The following TMEM229B variants were observed in gnomAD, a reference collection of about 807,000 sequenced individuals.
The protein encoded by TMEM229B is chromosome 14 open reading frame 83.
A neutral mutation model predicts 13.7 loss-of-function variants in TMEM229B; 6 were observed. The observed-to-expected ratio is 0.44, with a 90% confidence interval of 0.24 to 0.86. TMEM229B has a LOEUF of 0.86. Among genes scored for constraint, TMEM229B ranks in the 40% least tolerant of loss-of-function variants. The pLI, the probability that TMEM229B is intolerant of heterozygous loss-of-function variation, is 0.23. For synonymous variants in TMEM229B, 107 were observed against 102.1 expected, an observed-to-expected ratio of 1.05 and a Z score of -0.29; for missense variants, 170 against 236.0, an observed-to-expected ratio of 0.72 and a Z score of 1.83.
chr14:67,474,268 A>AAC (rs71129824), intron 2 of TMEM229B, among the ~76,000 whole-genome samples: 2,405 of 122,038 alleles, frequency 0.02, 64 homozygotes, highest in African/African-American at 0.073. Flanking sequence ...AACAAAACAA[A>AAC]AAAAAAACAG....
At chr14:67,489,976 C>T (rs1057347784), upstream of TMEM229B, among the ~76,000 whole-genome samples, 7 of 143,898 alleles carry the variant, frequency 4.9e-5, no homozygotes, top group African/African-American at 1.3e-4. Flanking sequence ...GGCGACAGAG[C>T]GAGACTCCGT....
chr14:67,494,036 T>C lies in TMEM229B; in HGVS notation c.-191-6864A>G, dbSNP rs9323499. ...CAGGAAAGACCACCATGCACTCAGCTGGACACTGACCCCAGCCACACCAGG... is the reference window on the plus strand; with the variant it reads ...CAGGAAAGACCACCATGCACTCAGCCGGACACTGACCCCAGCCACACCAGG... On this transcript the variant is annotated intron_variant, in intron 1 of 2. Transcript: ENST00000357461. 8.7e-3 allele frequency among the ~76,000 whole-genome samples: 1,319 copies of C among 152,232 alleles called. 16 individuals carry two copies. The highest frequency in any genetic ancestry group is 0.029 in the African/African-American group (1,187 of 41,542).
upstream of TMEM229B, among the ~76,000 whole-genome samples, chr14:67,516,233 C>A (rs1285324363): frequency 3.3e-5 from 5 of 152,296 alleles, no homozygotes; most frequent in Non-Finnish European, 7.3e-5. Flanking sequence ...CTGGGTGCCT[C>A]AGCCAAGAGG....
intron 1 of TMEM229B, among the ~76,000 whole-genome samples, chr14:67,494,603 T>C (rs965868578): frequency 4.6e-5 from 7 of 152,164 alleles, no homozygotes; most frequent in African/African-American, 1.7e-4. Context: ...TGGACACGGG[T>C]TGAGAGGTAG....
At chr14:67,495,243 G>A (rs2032320731) in intron 1 of TMEM229B, among the ~76,000 whole-genome samples, 2 of 152,032 alleles carry the variant, frequency 1.3e-5, no homozygotes, top group Non-Finnish European at 2.9e-5. Context: ...ATCCCTCCTG[G>A]AAACATTTCC....
chr14:67,515,731 G>A (rs993016878), upstream of TMEM229B, among the ~76,000 whole-genome samples: 1 of 152,206 alleles, frequency 6.6e-6, no homozygotes, highest in African/African-American at 2.4e-5. Flanking sequence ...GTAGTTGTGG[G>A]GACCAGGCGT....
intron 1 of TMEM229B, among the ~76,000 whole-genome samples, chr14:67,528,111 G>C (rs1312592251): frequency 6.6e-6 from 1 of 152,208 alleles, no homozygotes; most frequent in Non-Finnish European, 1.5e-5. Flanking sequence ...AGATTGGAGT[G>C]TGAGGGTGAG....
At chr14:67,480,197 C>T (rs1217177949) in intron 2 of TMEM229B, among the ~76,000 whole-genome samples, 1 of 152,188 alleles carries the variant, frequency 6.6e-6, no homozygotes, top group East Asian at 1.9e-4. Flanking sequence ...TTTACACCGC[C>T]TCTTACCCGA....
At chr14:67,528,624 C>T (rs1475824145) in intron 1 of TMEM229B, among the ~76,000 whole-genome samples, 2 of 152,192 alleles carry the variant, frequency 1.3e-5, no homozygotes, top group African/African-American at 4.8e-5. Flanking sequence ...TGAGCTCCAC[C>T]AGCTCCCAAC....
intron 2 of TMEM229B, among the ~76,000 whole-genome samples, chr14:67,483,719 C>A (rs1462031080): frequency 1.3e-5 from 2 of 152,240 alleles, no homozygotes; most frequent in Non-Finnish European, 2.9e-5. Context: ...AACCCAGAGG[C>A]CCCCTGACTG....
At chr14:67,484,007 G>C (rs930088269) in intron 2 of TMEM229B, among the ~76,000 whole-genome samples, 2 of 152,190 alleles carry the variant, frequency 1.3e-5, no homozygotes, top group African/African-American at 4.8e-5. Context: ...GGACTGGCAG[G>C]CTGGCATCCC....
chr14:67,482,118 G>A (rs1380461233), intron 2 of TMEM229B, among the ~76,000 whole-genome samples: 3 of 152,192 alleles, frequency 2.0e-5, no homozygotes, highest in Non-Finnish European at 4.4e-5. Context: ...GACTCAAGGT[G>A]ACTTGTGAGG....
chr14:67,492,997 G>T (rs988819286), upstream of TMEM229B, among the ~76,000 whole-genome samples: 1 of 152,192 alleles, frequency 6.6e-6, no homozygotes, highest in Non-Finnish European at 1.5e-5. Flanking sequence ...GATGCTGGAA[G>T]GTGAGTCTTA....
upstream of TMEM229B, among the ~76,000 whole-genome samples, chr14:67,519,384 G>T (rs2033255471): frequency 6.6e-6 from 1 of 152,234 alleles, no homozygotes; most frequent in Non-Finnish European, 1.5e-5. Flanking sequence ...CAGGTAATGG[G>T]AAGTAATCGA....
At chr14:67,531,296 C>T (rs1335159663) in intron 1 of TMEM229B, among the ~76,000 whole-genome samples, 1 of 152,082 alleles carries the variant, frequency 6.6e-6, no homozygotes, top group East Asian at 1.9e-4. Flanking sequence ...AAAACAACAA[C>T]AACAACAAAA....
At chr14:67,506,754 G>A (rs568090332) in intron 1 of TMEM229B, among the ~76,000 whole-genome samples, 31 of 152,240 alleles carry the variant, frequency 2.0e-4, no homozygotes, top group Non-Finnish European at 3.7e-4. Flanking sequence ...GGGAGGCCAA[G>A]GCAGGCAGAT....
chr14:67,505,567 G>T (rs1416312911), intron 1 of TMEM229B, among the ~76,000 whole-genome samples: 1 of 152,162 alleles, frequency 6.6e-6, no homozygotes, highest in Non-Finnish European at 1.5e-5. Flanking sequence ...ACTAATGTGG[G>T]CTGGCATGAG....
intron 1 of TMEM229B, among the ~76,000 whole-genome samples, chr14:67,506,205 A>G (rs17093620): frequency 0.73 from 110,630 of 151,972 alleles, 42,098 homozygotes; most frequent in Non-Finnish European, 0.85. Flanking sequence ...AGTTTTTTCC[A>G]TGGGACTCTG....
chr14:67,510,964 A>T (rs2033005101), intron 1 of TMEM229B, among the ~76,000 whole-genome samples: 1 of 152,148 alleles, frequency 6.6e-6, no homozygotes, highest in Admixed American at 6.5e-5. Flanking sequence ...TTGAAGCATG[A>T]ATCACCCCTC....
Sources: allele counts gnomAD v4.1 joint callset (sites outside exome capture counted in the v4.1 genomes callset), GRCh38; gene constraint gnomAD v4.1.1; transcripts MANE v1.5; gene names NCBI Gene and HGNC (gene_info 2026-07-23, HGNC 2026-07-21).